PLEKHA7: variants seen among roughly 807,000 people sequenced by gnomAD.
PLEKHA7 encodes pleckstrin homology domain-containing family A member 7.
Under a neutral mutation model 170.0 loss-of-function variants are expected in PLEKHA7, and 104 were observed. That is an observed-to-expected ratio of 0.61 (90% CI 0.52 to 0.72). The LOEUF (loss-of-function observed/expected upper bound fraction) is 0.72. PLEKHA7 is among the 30% of genes least tolerant of loss of function. The pLI is 0.00. For missense variants in PLEKHA7, 1,615 were observed against 1,671.7 expected (o/e 0.97, Z 0.59); for synonymous variants, 648 against 660.8 (o/e 0.98, Z 0.30).
In PLEKHA7 at chr11:16,959,639, A is replaced by G. The variant is rs139157638; in HGVS notation, c.221+54350T>C. Reference sequence around the variant, plus strand: ...CCCAGGATAGTAACAGATGAGAATAATGAACCTGAATTGGCTCCGTGAAAC... The same window carrying G: ...CCCAGGATAGTAACAGATGAGAATAGTGAACCTGAATTGGCTCCGTGAAAC... On this transcript the variant is annotated intron_variant, in intron 3 of 26. Coordinates refer to ENST00000531066, the MANE Select transcript of PLEKHA7 (RefSeq NM_001329630.2). Among the ~76,000 whole-genome samples, 581 of 152,316 alleles carry G rather than the reference A, an allele frequency of 3.8e-3. 3 individuals are homozygous for G. Among genetic ancestry groups the G allele is most frequent in the African/African-American group, 0.012 (503 of 41,568 alleles).
chr11:16,948,031 A>G (rs546066380), intron 3 of PLEKHA7, among the ~76,000 whole-genome samples: 15 of 152,226 alleles, frequency 9.9e-5, no homozygotes, highest in South Asian at 6.2e-4. Flanking sequence ...TTGAAACAAC[A>G]TGGTTAAACC....
rs769047898 is a variant in PLEKHA7, at chr11:16,851,269, G to A, written c.618C>T (p.Leu206=). 30 of 1,611,178 alleles carry A rather than the reference G, an allele frequency of 1.9e-5. No homozygotes were observed. The highest frequency in any genetic ancestry group is 1.7e-4 in the Middle Eastern group (1 of 6,054). Residue 206 remains leucine (L), a synonymous_variant, in exon 8 of 27, where the codon CTC becomes CTT. Transcript: ENST00000531066. Reference sequence around the variant, plus strand: ...CGTAGCTGGGCAAGGGGATGCTCCCGAGGACCGCTTCTTCTCGGCTGTCTT... The same window carrying A: ...CGTAGCTGGGCAAGGGGATGCTCCCAAGGACCGCTTCTTCTCGGCTGTCTT... ...YYKDSREEAV[L]GSIPLPSYVI...
chr11:16,856,624 C>T (rs982647103), intron 4 of PLEKHA7, among the ~76,000 whole-genome samples: 2 of 152,216 alleles, frequency 1.3e-5, no homozygotes, highest in Admixed American at 1.3e-4. Context: ...AAGGAGCTGC[C>T]CTGGGAGGGC....
chr11:16,909,673 G>A (rs1230506226), intron 3 of PLEKHA7, among the ~76,000 whole-genome samples: 1 of 152,184 alleles, frequency 6.6e-6, no homozygotes, highest in Non-Finnish European at 1.5e-5. Flanking sequence ...TCTGCAAACT[G>A]AAGCACTGCA....
chr11:17,006,345 G>T (rs954889809), intron 3 of PLEKHA7, among the ~76,000 whole-genome samples: 1 of 145,552 alleles, frequency 6.9e-6, no homozygotes, highest in East Asian at 2.0e-4. Context: ...AAAAAAAAAC[G>T]TCCAGGCACG....
intron 10 of PLEKHA7, among the ~76,000 whole-genome samples, chr11:16,823,104 C>A (rs1321284124): frequency 6.6e-6 from 1 of 152,050 alleles, no homozygotes; most frequent in African/African-American, 2.4e-5. Flanking sequence ...AAGTGATTAT[C>A]CCGCCTTAGC....
chr11:16,856,608 C>T (rs1204428869), intron 4 of PLEKHA7, among the ~76,000 whole-genome samples: 1 of 152,180 alleles, frequency 6.6e-6, no homozygotes, highest in African/African-American at 2.4e-5. Flanking sequence ...CATGGAACTT[C>T]CCACCAAGGA....
intron 3 of PLEKHA7, among the ~76,000 whole-genome samples, chr11:16,967,033 C>T (rs1862415133): frequency 6.6e-6 from 1 of 152,194 alleles, no homozygotes; most frequent in African/African-American, 2.4e-5. Context: ...GAAAGGCCAC[C>T]GAAGATACGG....
chr11:16,847,270 T>A (rs1033899348), intron 8 of PLEKHA7, among the ~76,000 whole-genome samples: 1 of 151,698 alleles, frequency 6.6e-6, no homozygotes, highest in African/African-American at 2.4e-5. Flanking sequence ...CAAATTGTAT[T>A]TTTAGTAGAG....
rs1223619174 is a variant in PLEKHA7 at position 16,947,933 on chromosome 11, GAAAAAAAA to G, written c.221+66048_221+66055del. Among the ~76,000 whole-genome samples the G allele has an allele frequency of 3.5e-5, 5 of 141,534 alleles. No individual in the cohort carries two copies. The East Asian group carries it at 8.2e-4, about 23-fold the overall frequency. The allele number at this position is 141,534 out of a possible 152,430, so 92.9% of individuals were successfully genotyped here. A position where few individuals can be genotyped will look rare whatever the true frequency, so the allele number is the denominator to read the frequency against. On this transcript the variant is annotated intron_variant, in intron 3 of 26. Coordinates refer to ENST00000531066, the MANE Select transcript of PLEKHA7 (RefSeq NM_001329630.2). Reference sequence around the variant, plus strand: ...TCCGTCTCAAAAAAAAAAAAAAAAAGAAAAAAAAGAAAAAAAGAAAAGAAAACATGCAT... The same window carrying G: ...TCCGTCTCAAAAAAAAAAAAAAAAAGGAAAAAAAGAAAAGAAAACATGCAT...
At chr11:16,976,064 T>C (rs1287297190) in intron 3 of PLEKHA7, among the ~76,000 whole-genome samples, 2 of 152,204 alleles carry the variant, frequency 1.3e-5, no homozygotes, top group Non-Finnish European at 2.9e-5. Flanking sequence ...TTGCCAGGCA[T>C]AGGTACTCAT....
intron 3 of PLEKHA7, among the ~76,000 whole-genome samples, chr11:16,986,638 C>T (rs570179211): frequency 1.5e-4 from 23 of 152,246 alleles, no homozygotes; most frequent in Admixed American, 5.9e-4. Context: ...GAGAAGACGC[C>T]CTGGCCCAGG....
intron 3 of PLEKHA7, among the ~76,000 whole-genome samples, chr11:16,987,978 TCAGA>T (rs1236388521): frequency 1.9e-4 from 29 of 152,382 alleles, no homozygotes; most frequent in African/African-American, 6.5e-4. Context: ...TGAAGTTTTC[TCAGA>T]CAGTGTGTGG....
intron 3 of PLEKHA7, among the ~76,000 whole-genome samples, chr11:17,006,016 AC>A (rs1864967766): frequency 6.6e-6 from 1 of 152,266 alleles, no homozygotes; most frequent in African/African-American, 2.4e-5. Context: ...TGGGACTATT[AC>A]CCCCAGGTTT....
At chr11:16,869,221 T>G (rs549979423) in intron 4 of PLEKHA7, among the ~76,000 whole-genome samples, 11 of 152,238 alleles carry the variant, frequency 7.2e-5, no homozygotes, top group Non-Finnish European at 1.3e-4. Flanking sequence ...CTAGTATTAA[T>G]GCTTCCAAAG....
At chr11:16,903,891 G>T (rs2136070633) in intron 3 of PLEKHA7, among the ~76,000 whole-genome samples, 1 of 152,306 alleles carries the variant, frequency 6.6e-6, no homozygotes. Flanking sequence ...TTCAGTTTTT[G>T]TCCTTCTTGC....
chr11:16,911,097 C>T (rs1437260051), intron 3 of PLEKHA7, among the ~76,000 whole-genome samples: 2 of 152,208 alleles, frequency 1.3e-5, no homozygotes, highest in African/African-American at 4.8e-5. Context: ...TTTTAACAAG[C>T]ACCCAAGAGG....
chr11:16,961,619 G>A lies in PLEKHA7; in HGVS notation c.221+52370C>T, dbSNP rs181897652. Among the ~76,000 whole-genome samples, 8 of 152,332 alleles carry A rather than the reference G, an allele frequency of 5.3e-5. No individual in the cohort carries two copies. The East Asian group carries it at 9.6e-4, about 18-fold the overall frequency. On this transcript the variant is annotated intron_variant, in intron 3 of 26. Coordinates refer to ENST00000531066, the MANE Select transcript of PLEKHA7 (RefSeq NM_001329630.2). ...AGCATCATCCCCAGAAGGGGACAGA[G>A]TTGTTTCAACCTTGGTCCTCAGACA...
chr11:17,014,335 C>A lies in PLEKHA7; in HGVS notation c.67G>T (p.Gly23Cys), dbSNP rs1865543450. The change falls in exon 1 of 27, where the codon GGC (glycine) becomes TGC (cysteine). Residue 23 changes from glycine (G) to cysteine (C), a missense_variant. Physicochemically the swap from Gly to Cys is radical, Grantham distance 159 (BLOSUM62 -3). Transcript: ENST00000531066. ...CCGCACTTGATGAAGAAGACGCGGC[C>A]ATCCCGGCACACCCCGTAGGACCAA... ...EHWSYGVCRD[G>C]RVFFINDQLR... The A allele has an allele frequency of 6.9e-7, 1 of 1,449,656 alleles. No individual in the cohort carries two copies. The highest frequency in any genetic ancestry group is 3.1e-5 in the East Asian group (1 of 32,090). 89.8% of individuals were successfully genotyped at this position (1,449,656 alleles called of 1,614,324 possible).
Sources: gnomAD v4.1 joint callset for allele counts (sites outside exome capture counted in the v4.1 genomes callset) on GRCh38, gnomAD v4.1.1 for gene constraint, MANE v1.5 for transcripts, NCBI Gene and HGNC (gene_info 2026-07-23, HGNC 2026-07-21) for gene names.